SV2C: variants seen among roughly 807,000 people sequenced by gnomAD.
SV2C encodes solute carrier family 22 member B3.
Under a neutral mutation model 79.7 loss-of-function variants are expected in SV2C, and 49 were observed. The observed-to-expected ratio is 0.61, with a 90% CI of 0.49 to 0.78. The LOEUF (loss-of-function observed/expected upper bound fraction) is 0.78. SV2C is among the 30% of genes least tolerant of loss of function. The pLI, the probability that SV2C is intolerant of heterozygous loss-of-function variation, is 0.00. For missense variants in SV2C, 833 were observed against 912.9 expected (o/e 0.91, Z 1.13); for synonymous variants, 334 against 333.2 (o/e 1.00, Z -0.03).
At chr5:76,252,937 T>C (rs1360353813) in intron 4 of SV2C, among the ~76,000 whole-genome samples, 2 of 152,244 alleles carry the variant, frequency 1.3e-5, no homozygotes, top group African/African-American at 4.8e-5. Flanking sequence ...AAAAGATAAA[T>C]ATCCAATACA....
the SV2C span, among the ~76,000 whole-genome samples, chr5:75,864,336 CCA>C: frequency 6.6e-6 from 1 of 151,950 alleles, no homozygotes; most frequent in Non-Finnish European, 1.5e-5. Flanking sequence ...ATCCATCCAT[CCA>C]TCCATCCATC....
chr5:76,166,329 G>T (rs1743045991), intron 2 of SV2C, among the ~76,000 whole-genome samples: 2 of 152,150 alleles, frequency 1.3e-5, no homozygotes, highest in African/African-American at 4.8e-5. Flanking sequence ...GAGAGAAGAA[G>T]AAACTGGGTT....
chr5:75,962,639 G>C, the SV2C span, among the ~76,000 whole-genome samples: 1 of 152,210 alleles, frequency 6.6e-6, no homozygotes, highest in Non-Finnish European at 1.5e-5. Flanking sequence ...AACTCCAAGA[G>C]CAAAAAGTTT....
chr5:76,245,040 A>G (rs891845618), intron 4 of SV2C, among the ~76,000 whole-genome samples: 1 of 152,196 alleles, frequency 6.6e-6, no homozygotes, highest in Non-Finnish European at 1.5e-5. Flanking sequence ...TTTCTAGGAA[A>G]TCTTCCATGG....
At chr5:76,313,050 C>T (rs1214909369) in intron 12 of SV2C, among the ~76,000 whole-genome samples, 3 of 152,174 alleles carry the variant, frequency 2.0e-5, no homozygotes, top group Non-Finnish European at 2.9e-5. Flanking sequence ...CTCAGGGACA[C>T]CACTCAGCCT....
chr5:75,923,519 A>T, the SV2C span, among the ~76,000 whole-genome samples: 1 of 152,232 alleles, frequency 6.6e-6, no homozygotes, highest in Non-Finnish European at 1.5e-5. Context: ...CAAACTATGC[A>T]TCTGACAAAG....
rs142893996 is a variant in SV2C, at chr5:76,159,069, T to C, written c.580+26739T>C. On this transcript the variant is annotated intron_variant, in intron 2 of 12. Coordinates refer to ENST00000502798, the MANE Select transcript of SV2C (RefSeq NM_014979.4). The stretch of plus-strand genomic sequence containing the variant: ...TCATCTCAATACACAGAAAAATCAT[T>C]TGATAAATTCAACACCTTTTCATGG... Among the ~76,000 whole-genome samples the C allele has an allele frequency of 1.9e-4, 29 of 151,882 alleles. No individual in the cohort carries two copies. In the East Asian group the frequency reaches 4.8e-3, roughly 25 times the overall value.
the SV2C span, among the ~76,000 whole-genome samples, chr5:75,934,290 T>TTTTC: frequency 7.2e-4 from 93 of 128,424 alleles, 2 homozygotes; most frequent in East Asian, 1.6e-3. Context: ...TTGTTTCTTT[T>TTTTC]TTTCTTTCTT....
At chr5:75,984,586 TCTATCTATCTAC>T in the SV2C span, among the ~76,000 whole-genome samples, 19,118 of 122,446 alleles carry the variant, frequency 0.16, 1,646 homozygotes, top group Middle Eastern at 0.3. Flanking sequence ...TATCTATCTA[TCTATCTATCTAC>T]CTATCTATCT....
At chr5:75,959,739 A>T in the SV2C span, among the ~76,000 whole-genome samples, 86 of 152,126 alleles carry the variant, frequency 5.7e-4, no homozygotes, top group African/African-American at 2.0e-3. Flanking sequence ...TCCATTGCTC[A>T]CATATTCATT....
intron 2 of SV2C, among the ~76,000 whole-genome samples, chr5:76,194,020 C>T (rs1744188606): frequency 1.3e-5 from 2 of 152,250 alleles, no homozygotes; most frequent in African/African-American, 4.8e-5. Flanking sequence ...GACAGCTTGT[C>T]TTTGTGTTAC....
the SV2C span, among the ~76,000 whole-genome samples, chr5:75,995,829 G>A: frequency 0.47 from 70,797 of 151,248 alleles, 17,195 homozygotes; most frequent in Middle Eastern, 0.63. Flanking sequence ...CCTAAATCCT[G>A]ATTTTTCATA....
the SV2C span, among the ~76,000 whole-genome samples, chr5:76,018,210 A>G: frequency 1.3e-5 from 2 of 152,204 alleles, no homozygotes; most frequent in Admixed American, 6.5e-5. Context: ...TGATTAAATT[A>G]GTAATGGTGG....
At chr5:75,903,777 A>G in the SV2C span, among the ~76,000 whole-genome samples, 1 of 152,172 alleles carries the variant, frequency 6.6e-6, no homozygotes, top group East Asian at 1.9e-4. Flanking sequence ...TCAACTTTGT[A>G]AATTGTTGAC....
At chr5:75,985,082 T>C in the SV2C span, among the ~76,000 whole-genome samples, 1 of 151,874 alleles carries the variant, frequency 6.6e-6, no homozygotes, top group Non-Finnish European at 1.5e-5. Context: ...CACAGTTGCA[T>C]CTGGTGAGGG....
chr5:76,020,595 C>T, the SV2C span, among the ~76,000 whole-genome samples: 1 of 152,292 alleles, frequency 6.6e-6, no homozygotes, highest in East Asian at 1.9e-4. Context: ...TTGTCTCCCT[C>T]TCAGAGGTAG....
chr5:76,174,580 C>A (rs1396688384), intron 2 of SV2C, among the ~76,000 whole-genome samples: 1 of 152,210 alleles, frequency 6.6e-6, no homozygotes, highest in Non-Finnish European at 1.5e-5. Context: ...CAGGAATCAC[C>A]AAGCTTGTCT....
chr5:75,958,011 G>T, the SV2C span, among the ~76,000 whole-genome samples: 1 of 151,978 alleles, frequency 6.6e-6, no homozygotes, highest in Admixed American at 6.6e-5. Flanking sequence ...CCAACAGAAG[G>T]ATACTCTAAA....
the SV2C span, among the ~76,000 whole-genome samples, chr5:75,971,780 C>T: frequency 6.6e-6 from 1 of 152,064 alleles, no homozygotes; most frequent in Non-Finnish European, 1.5e-5. Context: ...AATGCCATCC[C>T]CATCAAGCTA....
Sources: allele counts gnomAD v4.1 joint callset (sites outside exome capture counted in the v4.1 genomes callset), GRCh38; gene constraint gnomAD v4.1.1; transcripts MANE v1.5; gene names NCBI Gene and HGNC (gene_info 2026-07-23, HGNC 2026-07-21).